The following GRAMD1B variants were observed in gnomAD, a reference collection of about 807,000 sequenced individuals.
GRAMD1B encodes protein Aster-B.
In GRAMD1B, 37 loss-of-function variants were observed where a neutral mutation model predicts 99.7. The ratio of observed to expected loss-of-function variants is 0.37; its 90% CI spans 0.29 to 0.49. The LOEUF (loss-of-function observed/expected upper bound fraction) is 0.49, where lower values mean the gene tolerates loss of function less well. Among genes scored for constraint, GRAMD1B ranks in the 20% least tolerant of loss-of-function variants. The pLI, the probability that GRAMD1B is intolerant of heterozygous loss-of-function variation, is 0.98. For missense variants in GRAMD1B, 888 were observed against 1,009.2 expected (o/e 0.88, Z 1.63); for synonymous variants, 427 against 387.6 (o/e 1.10, Z -1.19).
chr11:123,462,890 T>TAAAAAA lies in GRAMD1B; in HGVS notation c.375-17926_375-17925insAAAAAA, dbSNP rs55643501. On this transcript the variant is annotated intron_variant, in intron 1 of 19. Coordinates refer to ENST00000635736, the MANE Select transcript of GRAMD1B (RefSeq NM_001387025.1). ...CAAGAATTATCAATAAAAAAATAAA[T>TAAAAAA]TAAAAAAAAAAAAAAAAAAAAAGAA... Among the ~76,000 whole-genome samples, 675 of 122,694 alleles carry TAAAAAA rather than the reference T, an allele frequency of 5.5e-3. 7 individuals carry two copies. Among genetic ancestry groups the TAAAAAA allele is most frequent in the Middle Eastern group, 0.014 (3 of 220 alleles). 80.5% of individuals were successfully genotyped at this position (122,694 alleles called of 152,430 possible).
At chr11:123,557,615 T>C (rs1946295197) in intron 2 of GRAMD1B, among the ~76,000 whole-genome samples, 1 of 152,238 alleles carries the variant, frequency 6.6e-6, no homozygotes, top group African/African-American at 2.4e-5. Flanking sequence ...TGCATGTATT[T>C]ACATCATTTA....
Position 123,577,454 on chromosome 11 carries a change from C to G in GRAMD1B, c.540C>G (p.Asp180Glu). ...GCTCGCCAACCCCGCAGAACCAGGA[C>G]GGAGACACCATGGTGGAGAAGGGCT... ...RSRSPTPQNQDGDTMVEKGSD... is the reference protein window; with the variant it reads ...RSRSPTPQNQEGDTMVEKGSD... Residue 180 changes from aspartate to glutamate, a missense_variant, in exon 3 of 20, where the codon GAC (aspartate) becomes GAG (glutamate). Physicochemically the swap from Asp to Glu is conservative, Grantham distance 45. This residue lies in a region of GRAMD1B where 233 missense variants were observed against 154.6 expected (regional missense o/e 1.51). Coordinates refer to ENST00000635736, the MANE Select transcript of GRAMD1B (RefSeq NM_001387025.1). 1 of 1,604,328 alleles carries G rather than the reference C, an allele frequency of 6.2e-7. No homozygotes were observed. Among genetic ancestry groups the G allele is most frequent in the Non-Finnish European group, 8.5e-7 (1 of 1,175,676 alleles).
chr11:123,573,704 A>G (rs908228089), intron 2 of GRAMD1B, among the ~76,000 whole-genome samples: 23 of 152,220 alleles, frequency 1.5e-4, no homozygotes, highest in South Asian at 6.2e-4. Flanking sequence ...TGGGGGGATT[A>G]AACGAAATAA....
chr11:123,432,842 T>C (rs1218497053), intron 1 of GRAMD1B, among the ~76,000 whole-genome samples: 1 of 152,010 alleles, frequency 6.6e-6, no homozygotes, highest in East Asian at 2.0e-4. Flanking sequence ...GGATCCGTTA[T>C]GCAGAAGATG....
chr11:123,380,703 C>G (rs1182891098), intron 1 of GRAMD1B, among the ~76,000 whole-genome samples: 1 of 152,162 alleles, frequency 6.6e-6, no homozygotes, highest in African/African-American at 2.4e-5. Context: ...TGTCCTGTGT[C>G]CTTCCTCCTT....
At chr11:123,367,050 G>T (rs769281778) in intron 1 of GRAMD1B, among the ~76,000 whole-genome samples, 3 of 151,978 alleles carry the variant, frequency 2.0e-5, no homozygotes, top group Non-Finnish European at 4.4e-5. Context: ...CAAAAATAAA[G>T]AACTTAGCCA....
At chr11:123,371,892 A>G (rs1436628270) in intron 1 of GRAMD1B, among the ~76,000 whole-genome samples, 1 of 152,144 alleles carries the variant, frequency 6.6e-6, no homozygotes, top group East Asian at 1.9e-4. Flanking sequence ...TAACATCTGC[A>G]GTTTGGTGGA....
intron 2 of GRAMD1B, among the ~76,000 whole-genome samples, chr11:123,490,611 G>A (rs1317976844): frequency 6.6e-6 from 1 of 152,180 alleles, no homozygotes; most frequent in Non-Finnish European, 1.5e-5. Context: ...AAAAGAAGCA[G>A]ACAAATTCAA....
chr11:123,451,491 A>G (rs1462905123), intron 1 of GRAMD1B, among the ~76,000 whole-genome samples: 2 of 152,236 alleles, frequency 1.3e-5, no homozygotes, highest in Non-Finnish European at 2.9e-5. Context: ...TGTATCTGAC[A>G]TTATACTGAG....
At chr11:123,482,432 T>A (rs1210531085) in intron 2 of GRAMD1B, among the ~76,000 whole-genome samples, 1 of 152,164 alleles carries the variant, frequency 6.6e-6, no homozygotes, top group Non-Finnish European at 1.5e-5. Context: ...TGAAATGTGA[T>A]CTTGTATATT....
At chr11:123,532,380 A>G (rs1025521981) in intron 2 of GRAMD1B, among the ~76,000 whole-genome samples, 1 of 152,242 alleles carries the variant, frequency 6.6e-6, no homozygotes, top group Admixed American at 6.5e-5. Flanking sequence ...GGCCAGAGCT[A>G]GTCACGTGGC....
intron 2 of GRAMD1B, chr11:123,560,334 A>C: frequency 1.7e-6 from 2 of 1,155,538 alleles, no homozygotes; most frequent in Non-Finnish European, 2.2e-6. Flanking sequence ...AGAGAGAGGG[A>C]CTTCTGTAAG....
At chr11:123,401,402 G>A (rs1947657331) in intron 1 of GRAMD1B, among the ~76,000 whole-genome samples, 1 of 152,260 alleles carries the variant, frequency 6.6e-6, no homozygotes, top group South Asian at 2.1e-4. Context: ...CAGTCACTCA[G>A]TAGGCAGGCA....
intron 2 of GRAMD1B, among the ~76,000 whole-genome samples, chr11:123,557,097 A>G (rs11219198): frequency 0.094 from 14,305 of 152,236 alleles, 2,318 homozygotes; most frequent in African/African-American, 0.33. Flanking sequence ...TCGTTTTGTC[A>G]TCTGAGAAAT....
At chr11:123,442,374 G>A (rs1949448743) in intron 1 of GRAMD1B, among the ~76,000 whole-genome samples, 1 of 152,210 alleles carries the variant, frequency 6.6e-6, no homozygotes, top group African/African-American at 2.4e-5. Context: ...GCTGTTACCA[G>A]AAAGGGGTCC....
chr11:123,394,829 T>C (rs1947403668), intron 1 of GRAMD1B, among the ~76,000 whole-genome samples: 1 of 152,210 alleles, frequency 6.6e-6, no homozygotes. Flanking sequence ...GGGCTTGGTC[T>C]CTGCTTCCAA....
At chr11:123,463,893 G>C (rs185693053) in intron 1 of GRAMD1B, among the ~76,000 whole-genome samples, 1 of 152,290 alleles carries the variant, frequency 6.6e-6, no homozygotes, top group African/African-American at 2.4e-5. Flanking sequence ...CTTTCTGCTG[G>C]GGAAGTCAGT....
At chr11:123,606,575 T>C (rs778397167) in intron 10 of GRAMD1B, 34 bp from the exon 11 acceptor site, 5 of 1,568,668 alleles carry the variant, frequency 3.2e-6, no homozygotes, top group South Asian at 1.2e-5. Context: ...AGACCAGGTT[T>C]CCCTGGTGGG....
At chr11:123,534,066 G>A (rs1943693691) in intron 2 of GRAMD1B, among the ~76,000 whole-genome samples, 1 of 152,246 alleles carries the variant, frequency 6.6e-6, no homozygotes, top group African/African-American at 2.4e-5. Flanking sequence ...CAACGCCCAT[G>A]CAGTCAAATC....
Sources: gnomAD v4.1 joint callset for allele counts (sites outside exome capture counted in the v4.1 genomes callset) on GRCh38, gnomAD v4.1.1 for gene constraint, gnomAD v4.1.1 regional missense constraint, MANE v1.5 for transcripts, NCBI Gene and HGNC (gene_info 2026-07-23, HGNC 2026-07-21) for gene names.